Variants in PTK2 observed in about 807,000 individuals in gnomAD.
PTK2 encodes focal adhesion kinase 1.
PTK2 carries 45 observed loss-of-function variants against 150.1 expected under a neutral mutation model. That is an observed-to-expected ratio of 0.30 (90% CI 0.24 to 0.38). The LOEUF is 0.38. PTK2 is among the 10% of genes least tolerant of loss of function. The probability of loss-of-function intolerance (pLI) is 1.00; values close to 1 mark genes in which losing one functional copy is unlikely to be tolerated. For synonymous variants in PTK2, 432 were observed against 449.2 expected (o/e 0.96, Z 0.48); for missense variants, 919 against 1,307.3 (o/e 0.70, Z 4.58).
chr8:140,663,539 C>T (rs745917617), intron 31 of PTK2, among the ~76,000 whole-genome samples: 5 of 152,178 alleles, frequency 3.3e-5, no homozygotes, highest in Non-Finnish European at 7.3e-5. Context: ...GAATGTACAC[C>T]CTAGGCTCAA....
At chr8:140,922,101 A>C (rs1188197883) in intron 2 of PTK2, among the ~76,000 whole-genome samples, 2 of 152,220 alleles carry the variant, frequency 1.3e-5, no homozygotes, top group Non-Finnish European at 2.9e-5. Context: ...TTGTTTATGA[A>C]GTCACTAACT....
intron 16 of PTK2, 136 bp from the exon 20 acceptor site, chr8:140,752,452 T>A (rs1157935774): frequency 1.5e-6 from 1 of 688,024 alleles, no homozygotes; most frequent in Non-Finnish European, 2.5e-6. Context: ...ATCTCAAGAA[T>A]GAGAGGGATA....
rs986927523 is a variant in PTK2 at position 140,771,757 on chromosome 8, G to T, written c.1178-7467C>A. On this transcript the variant is annotated intron_variant, in intron 14 of 31. Coordinates refer to ENST00000522684, the Ensembl canonical transcript of PTK2. ...TACACTTCAGTAATATTTTTCAAAC[G>T]GTATGCTTTGATCCTATTAACATTT... Among the ~76,000 whole-genome samples, 5 of 151,802 alleles carry T rather than the reference G, an allele frequency of 3.3e-5. No individual in the cohort carries two copies. The East Asian group carries it at 5.8e-4, about 18-fold the overall frequency.
intron 14 of PTK2, chr8:140,765,359 T>C (rs1296438079): frequency 6.6e-6 from 1 of 152,206 alleles, no homozygotes; most frequent in African/African-American, 2.4e-5. Context: ...ATAGAGAATA[T>C]ATATGGTTTA....
At chr8:140,745,618 A>G (rs1416818129) in intron 18 of PTK2, among the ~76,000 whole-genome samples, 1 of 152,198 alleles carries the variant, frequency 6.6e-6, no homozygotes, top group Non-Finnish European at 1.5e-5. Flanking sequence ...AACTTGTTTA[A>G]TGAGTTTCCA....
intron 1 of PTK2, among the ~76,000 whole-genome samples, chr8:140,928,900 C>G (rs981994050): frequency 6.7e-6 from 1 of 149,374 alleles, no homozygotes; most frequent in Admixed American, 6.7e-5. Context: ...ACAGTAAGTA[C>G]ACTTAAAAAC....
At chr8:141,001,101 C>A in intron 1 of PTK2, 24 bp downstream of exon 1, 1 of 151,396 alleles carries the variant, frequency 6.6e-6, no homozygotes, top group South Asian at 2.0e-4. Flanking sequence ...GACCCGCGCC[C>A]CGCGCCCGGC....
chr8:140,676,354 C>CA (rs747202713), intron 27 of PTK2, among the ~76,000 whole-genome samples: 7 of 151,478 alleles, frequency 4.6e-5, no homozygotes, highest in Non-Finnish European at 1.0e-4. Context: ...CCAGCCTGGG[C>CA]AACAGAGCAA....
intron 12 of PTK2, among the ~76,000 whole-genome samples, chr8:140,799,964 T>A (rs1481793863): frequency 6.6e-6 from 1 of 152,210 alleles, no homozygotes; most frequent in African/African-American, 2.4e-5. Flanking sequence ...CCACACCGCT[T>A]TTATAGTGAC....
At chr8:140,853,466 T>C (rs2100130647) in intron 5 of PTK2, among the ~76,000 whole-genome samples, 1 of 151,466 alleles carries the variant, frequency 6.6e-6, no homozygotes, top group South Asian at 2.1e-4. Context: ...TTGTGATAGT[T>C]TGCTGAGAAT....
At chr8:140,943,038 C>T (rs1436159255) in intron 1 of PTK2, among the ~76,000 whole-genome samples, 1 of 152,150 alleles carries the variant, frequency 6.6e-6, no homozygotes, top group East Asian at 1.9e-4. Flanking sequence ...CTCTCCGACG[C>T]CTCCCTGGAA....
At chr8:140,951,285 C>A (rs967361065) in intron 1 of PTK2, among the ~76,000 whole-genome samples, 6 of 152,146 alleles carry the variant, frequency 3.9e-5, no homozygotes, top group African/African-American at 1.4e-4. Context: ...AGGCAAGGAC[C>A]AAGAACCAAC....
intron 1 of PTK2, among the ~76,000 whole-genome samples, chr8:140,931,833 T>A (rs2100171902): frequency 7.0e-6 from 1 of 143,044 alleles, no homozygotes; most frequent in Non-Finnish European, 1.5e-5. Flanking sequence ...CCTGGGAGGC[T>A]GAGGTGGGAG....
chr8:140,819,613 G>T (rs923710312), intron 8 of PTK2, among the ~76,000 whole-genome samples: 2 of 152,136 alleles, frequency 1.3e-5, no homozygotes, highest in African/African-American at 4.8e-5. Context: ...AACTGTTTTG[G>T]AGAACTAATC....
chr8:140,800,291 C>T (rs1041153830), intron 12 of PTK2, among the ~76,000 whole-genome samples, 168 bp downstream of exon 12: 5 of 152,120 alleles, frequency 3.3e-5, no homozygotes, highest in South Asian at 2.1e-4. Flanking sequence ...AGGTGTGAAA[C>T]GGATCACCAT....
intron 26 of PTK2, among the ~76,000 whole-genome samples, chr8:140,697,416 T>TTGTGTGTGTGTGTGTG (rs34459077): frequency 2.0e-4 from 29 of 145,816 alleles, no homozygotes; most frequent in African/African-American, 3.3e-4. Context: ...AGAATACGGT[T>TTGTGTGTGTGTGTGTG]TGTGTGTGTG....
chr8:140,808,283 C>A (rs1008378464), intron 10 of PTK2, among the ~76,000 whole-genome samples: 5 of 152,126 alleles, frequency 3.3e-5, no homozygotes, highest in African/African-American at 1.2e-4. Flanking sequence ...GAGGGTTGGT[C>A]TCATTCAGGA....
At chr8:140,690,767 T>G (rs945019648) in intron 26 of PTK2, among the ~76,000 whole-genome samples, 4 of 152,326 alleles carry the variant, frequency 2.6e-5, no homozygotes, top group Non-Finnish European at 5.9e-5. Context: ...ATAACATTTA[T>G]ATAGGGCAAA....
chr8:140,927,961 A>AAAAAAAAAAAAAAAAAAAAAAAAG (rs2100170199), intron 1 of PTK2, among the ~76,000 whole-genome samples: 1 of 32,756 alleles, frequency 3.1e-5, no homozygotes, highest in Non-Finnish European at 6.0e-5. Context: ...AAAAAAAGAA[A>AAAAAAAAAAAAAAAAAAAAAAAAG]AAAAAAAAAA....
Sources: allele counts gnomAD v4.1 joint callset (sites outside exome capture counted in the v4.1 genomes callset), GRCh38; gene constraint gnomAD v4.1.1; transcripts MANE v1.5; gene names NCBI Gene and HGNC (gene_info 2026-07-23, HGNC 2026-07-21).